The following ZNF831 variants were observed in gnomAD, a reference collection of about 807,000 sequenced individuals.
The protein encoded by ZNF831 is chromosome 20 open reading frame 174.
In ZNF831, 59 loss-of-function variants were observed where a neutral mutation model predicts 95.8. The ratio of observed to expected loss-of-function variants is 0.62; its 90% CI spans 0.50 to 0.77. ZNF831 has a LOEUF of 0.77. Among genes scored for constraint, ZNF831 ranks in the 30% least tolerant of loss-of-function variants. ZNF831 has a pLI of 0.00. For missense variants in ZNF831, 2,205 were observed against 2,164.0 expected, an observed-to-expected ratio of 1.02 and a Z score of -0.38; for synonymous variants, 961 against 925.5, an observed-to-expected ratio of 1.04 and a Z score of -0.70.
rs775077121 is a variant in ZNF831 at position 59,192,390 on chromosome 20, C to T, written c.1371C>T (p.Arg457=). Residue 457 remains arginine, a synonymous_variant, in exon 2 of 6, where the codon CGC becomes CGT. Transcript: ENST00000371030. The surrounding 1 kb of genome is among the most constrained non-coding windows in gnomAD (Gnocchi z 5.2). The part of the protein sequence containing the change: ...TYKDSFHFDI[R]ALEPGRRRAP... Reference sequence around the variant, plus strand: ...AGGACTCCTTCCACTTTGACATCCGCGCGCTGGAGCCAGGCCGTAGGAGGG... The same window carrying T: ...AGGACTCCTTCCACTTTGACATCCGTGCGCTGGAGCCAGGCCGTAGGAGGG... 1.7e-5 allele frequency: 28 copies of T among 1,612,050 alleles called. No individual in the cohort carries two copies. The highest frequency in any genetic ancestry group is 2.3e-5 in the Non-Finnish European group (27 of 1,179,580).
chr20:59,203,307 A>G (rs1984659531), intron 3 of ZNF831, among the ~76,000 whole-genome samples: 1 of 152,202 alleles, frequency 6.6e-6, no homozygotes, highest in South Asian at 2.1e-4. Context: ...CGCATTATTT[A>G]TATACATATA....
intron 1 of ZNF831, among the ~76,000 whole-genome samples, chr20:59,133,693 A>G (rs902193467): frequency 6.6e-6 from 1 of 152,182 alleles, no homozygotes; most frequent in African/African-American, 2.4e-5. Context: ...GCTGGAGTCC[A>G]GGGGTCAGAG....
At chr20:59,219,089 A>C (rs1186384985) in intron 4 of ZNF831, among the ~76,000 whole-genome samples, 1 of 152,184 alleles carries the variant, frequency 6.6e-6, no homozygotes, top group Non-Finnish European at 1.5e-5. Context: ...GCAAGTAATC[A>C]CAGCAGATGT....
At chr20:59,175,204 A>T (rs1283168082) in intron 1 of ZNF831, among the ~76,000 whole-genome samples, 5 of 53,296 alleles carry the variant, frequency 9.4e-5, no homozygotes, top group African/African-American at 8.1e-5. Context: ...TTTGGTGTGG[A>T]TTTCTTTGGG....
intron 4 of ZNF831, among the ~76,000 whole-genome samples, chr20:59,225,840 A>ACCC (rs1986387829): frequency 6.6e-6 from 1 of 152,178 alleles, no homozygotes; most frequent in African/African-American, 2.4e-5. Flanking sequence ...AGAGACTAAA[A>ACCC]CCCAGCTCAA....
intron 1 of ZNF831, among the ~76,000 whole-genome samples, chr20:59,174,363 T>G (rs1313880834): frequency 6.6e-6 from 1 of 152,238 alleles, no homozygotes; most frequent in African/African-American, 2.4e-5. Flanking sequence ...ATGGTTGCTC[T>G]AGGTATTACA....
intron 4 of ZNF831, among the ~76,000 whole-genome samples, chr20:59,239,647 C>A (rs962048431): frequency 6.6e-6 from 1 of 150,588 alleles, no homozygotes; most frequent in Non-Finnish European, 1.5e-5. Context: ...TGGGTTCAAG[C>A]GATTCTCCTG....
chr20:59,228,648 A>C (rs1986559224), intron 4 of ZNF831, among the ~76,000 whole-genome samples: 2 of 152,308 alleles, frequency 1.3e-5, no homozygotes, highest in South Asian at 4.1e-4. Flanking sequence ...GAGAGAGGGC[A>C]AGCGAGTGAG....
chr20:59,154,816 C>T (rs1285786709), intron 2 of ZNF831, among the ~76,000 whole-genome samples: 2 of 152,216 alleles, frequency 1.3e-5, no homozygotes, highest in Non-Finnish European at 2.9e-5. Context: ...GTGCCTGGGG[C>T]TGAATCTTTC....
chr20:59,133,870 C>T (rs752719612), intron 1 of ZNF831, among the ~76,000 whole-genome samples: 23 of 152,354 alleles, frequency 1.5e-4, no homozygotes, highest in Admixed American at 7.2e-4. Context: ...TGCTCACTCT[C>T]AGGTCCCAGA....
chr20:59,195,237 AG>A (rs1331320948), intron 2 of ZNF831, among the ~76,000 whole-genome samples: 2 of 152,080 alleles, frequency 1.3e-5, no homozygotes, highest in Non-Finnish European at 2.9e-5. Context: ...CAGAGAGAAA[AG>A]GGGGAAATGT....
At chr20:59,189,243 G>A (rs260010) in intron 1 of ZNF831, among the ~76,000 whole-genome samples, 49,942 of 151,910 alleles carry the variant, frequency 0.33, 9,478 homozygotes, top group African/African-American at 0.53. Flanking sequence ...AAAGTCATGA[G>A]GTTTTAATCC....
At chr20:59,222,302 G>T (rs1986132733) in intron 4 of ZNF831, among the ~76,000 whole-genome samples, 1 of 152,060 alleles carries the variant, frequency 6.6e-6, no homozygotes, top group African/African-American at 2.4e-5. Context: ...CGGCGGGGTG[G>T]GTGCGGACCC....
chr20:59,152,919 G>A (rs1349406045), intron 2 of ZNF831, among the ~76,000 whole-genome samples: 1 of 152,174 alleles, frequency 6.6e-6, no homozygotes, highest in African/African-American at 2.4e-5. Context: ...GAGTGACGAG[G>A]CTACTACAAG....
intron 3 of ZNF831, among the ~76,000 whole-genome samples, chr20:59,196,934 G>A (rs906707401): frequency 4.5e-4 from 67 of 149,488 alleles, no homozygotes; most frequent in African/African-American, 1.5e-3. Flanking sequence ...GGGCCACCAC[G>A]CCCAGCTATT....
At chr20:59,202,592 G>A (rs747934969) in intron 3 of ZNF831, among the ~76,000 whole-genome samples, 2 of 152,030 alleles carry the variant, frequency 1.3e-5, no homozygotes, top group Non-Finnish European at 2.9e-5. Flanking sequence ...TATGTTCCCC[G>A]GGCAGGTGGT....
At chr20:59,253,823 C>T (rs1046448528) in intron 5 of ZNF831, 75 bp from the exon 6 acceptor site, 5 of 1,482,686 alleles carry the variant, frequency 3.4e-6, no homozygotes, top group South Asian at 2.7e-5. Context: ...TTGAGGACCA[C>T]GTTTCTGACC....
At chr20:59,127,917 G>A (rs1979226481) in intron 1 of ZNF831, among the ~76,000 whole-genome samples, 1 of 152,238 alleles carries the variant, frequency 6.6e-6, no homozygotes, top group Non-Finnish European at 1.5e-5. Flanking sequence ...TGAGCTCTCA[G>A]GGCAGTGCCC....
At position 59,256,827 on chromosome 20, in the gene ZNF831, T is replaced by C. The variant is rs1988210932; in HGVS notation, c.*2084T>C. The C allele has an allele frequency of 6.6e-6, 1 of 152,260 alleles. No individual in the cohort carries two copies. The highest frequency in any genetic ancestry group is 2.4e-5 in the African/African-American group (1 of 41,460). 9.4% of individuals were successfully genotyped at this position (152,260 alleles called of 1,614,324 possible). A position where few individuals can be genotyped will look rare whatever the true frequency, so the allele number is the denominator to read the frequency against. The stretch of plus-strand genomic sequence containing the variant: ...GAGCCTGAAGAAGCTCCATCTAATT[T>C]TTTCCCCAGAGTTCCAGATTTTAGG... On this transcript the variant is annotated 3_prime_UTR_variant, in exon 6 of 6. Coordinates refer to ENST00000371030, the MANE Select transcript of ZNF831 (RefSeq NM_178457.3).
Sources: allele counts gnomAD v4.1 joint callset (sites outside exome capture counted in the v4.1 genomes callset), GRCh38; gene constraint gnomAD v4.1.1; non-coding constraint Gnocchi (gnomAD v3.1); transcripts MANE v1.5; gene names NCBI Gene and HGNC (gene_info 2026-07-23, HGNC 2026-07-21).